Variants in XKR9 observed in about 807,000 individuals in gnomAD.
XKR9 encodes the protein XK related 9.
Under a neutral mutation model 32.0 loss-of-function variants are expected in XKR9, and 32 were observed. The observed-to-expected ratio is 1.00, with a 90% confidence interval of 0.76 to 1.34. The LOEUF is 1.34. Among genes scored for constraint, XKR9 ranks in the 40% most tolerant of loss-of-function variants. The pLI, the probability that XKR9 is intolerant of heterozygous loss-of-function variation, is 0.00. For synonymous variants in XKR9, 168 were observed against 143.4 expected, an observed-to-expected ratio of 1.17 and a Z score of -1.22; for missense variants, 546 against 429.7, an observed-to-expected ratio of 1.27 and a Z score of -2.39.
chr8:70,809,700 G>A, the XKR9 span, among the ~76,000 whole-genome samples: 2 of 152,146 alleles, frequency 1.3e-5, no homozygotes, highest in Non-Finnish European at 2.9e-5. Context: ...ATCAGTGATG[G>A]AAGATCAAAT....
At chr8:70,711,419 A>G (rs1376603691) in intron 4 of XKR9, among the ~76,000 whole-genome samples, 1 of 152,240 alleles carries the variant, frequency 6.6e-6, no homozygotes, top group Non-Finnish European at 1.5e-5. Flanking sequence ...TGTGGTACAT[A>G]TATACCATGG....
At chr8:70,828,174 G>C in the XKR9 span, among the ~76,000 whole-genome samples, 1 of 151,942 alleles carries the variant, frequency 6.6e-6, no homozygotes, top group Non-Finnish European at 1.5e-5. Context: ...GGAAAATTTT[G>C]AAAGCATCAA....
chr8:70,690,063 G>A (rs1402785304), intron 3 of XKR9, among the ~76,000 whole-genome samples: 1 of 152,126 alleles, frequency 6.6e-6, no homozygotes, highest in African/African-American at 2.4e-5. Flanking sequence ...ATGCCAGATA[G>A]ATAAACAAAC....
the XKR9 span, among the ~76,000 whole-genome samples, chr8:70,951,160 C>T: frequency 1.8e-4 from 27 of 152,330 alleles, no homozygotes; most frequent in Non-Finnish European, 3.1e-4. Flanking sequence ...CAACAGACAC[C>T]GGTCACCACT....
At chr8:70,741,316 T>G (rs572794023) in intron 2 of XKR9, among the ~76,000 whole-genome samples, 2 of 152,366 alleles carry the variant, frequency 1.3e-5, no homozygotes, top group South Asian at 4.1e-4. Flanking sequence ...TGTCACTATT[T>G]GATGCCCTCT....
At chr8:70,766,263 T>A (rs1368912973) in intron 2 of XKR9, among the ~76,000 whole-genome samples, 1 of 152,236 alleles carries the variant, frequency 6.6e-6, no homozygotes. Flanking sequence ...CACTTGTTTG[T>A]GTCCTCTCTT....
chr8:71,030,826 C>T, the XKR9 span, among the ~76,000 whole-genome samples: 1 of 152,146 alleles, frequency 6.6e-6, no homozygotes, highest in Non-Finnish European at 1.5e-5. Flanking sequence ...TTGAGGTTCA[C>T]ACTTTAGAAT....
chr8:70,953,252 A>T, the XKR9 span, among the ~76,000 whole-genome samples: 21 of 152,222 alleles, frequency 1.4e-4, no homozygotes, highest in Non-Finnish European at 4.4e-5. Context: ...TGTGCTAAGT[A>T]CTTTATTCAT....
At chr8:70,955,114 C>A in the XKR9 span, among the ~76,000 whole-genome samples, 248 of 152,306 alleles carry the variant, frequency 1.6e-3, 1 homozygote, top group African/African-American at 5.8e-3. Context: ...CAACTTCACC[C>A]GTGACTTCTG....
the XKR9 span, among the ~76,000 whole-genome samples, chr8:70,900,593 A>C: frequency 6.6e-6 from 1 of 151,342 alleles, no homozygotes; most frequent in East Asian, 1.9e-4. Context: ...TGTCTAAAAA[A>C]TTAAATGAAT....
the XKR9 span, among the ~76,000 whole-genome samples, chr8:70,805,184 G>A: frequency 6.6e-6 from 1 of 152,196 alleles, no homozygotes; most frequent in Non-Finnish European, 1.5e-5. Flanking sequence ...CACAGGGCAG[G>A]GGAATCTCCA....
the XKR9 span, among the ~76,000 whole-genome samples, chr8:70,811,104 T>G: frequency 6.6e-6 from 1 of 152,204 alleles, no homozygotes; most frequent in African/African-American, 2.4e-5. Context: ...CAGACCATAG[T>G]GCAATCAAAC....
At chr8:70,886,003 C>T in the XKR9 span, among the ~76,000 whole-genome samples, 48,215 of 151,910 alleles carry the variant, frequency 0.32, 8,971 homozygotes, top group Non-Finnish European at 0.43. Context: ...AACCCATCAC[C>T]GACATTAGGT....
At chr8:70,822,000 T>C in the XKR9 span, among the ~76,000 whole-genome samples, 1 of 152,222 alleles carries the variant, frequency 6.6e-6, no homozygotes, top group Non-Finnish European at 1.5e-5. Context: ...TTCTTTTCTA[T>C]TGCATCTTGA....
chr8:70,837,287 A>T, the XKR9 span, among the ~76,000 whole-genome samples: 2 of 152,110 alleles, frequency 1.3e-5, 1 homozygote, highest in South Asian at 4.1e-4. Flanking sequence ...AGGAGACAGC[A>T]AGTGCTCAAT....
the XKR9 span, among the ~76,000 whole-genome samples, chr8:70,995,665 C>T: frequency 4.6e-5 from 7 of 152,098 alleles, no homozygotes; most frequent in African/African-American, 7.2e-5. Context: ...TTTGAATATG[C>T]CTACTTCTTT....
chr8:70,843,169 G>A, the XKR9 span, among the ~76,000 whole-genome samples: 1 of 152,066 alleles, frequency 6.6e-6, no homozygotes, highest in Non-Finnish European at 1.5e-5. Flanking sequence ...ATAATAAAAT[G>A]ATTGCATGTA....
At chr8:70,766,006 A>G (rs554903940) in intron 2 of XKR9, among the ~76,000 whole-genome samples, 62 of 152,214 alleles carry the variant, frequency 4.1e-4, no homozygotes, top group African/African-American at 1.4e-3. Context: ...TGGTTACTAT[A>G]GCCTTGTAGT....
chr8:70,946,203 C>G, the XKR9 span, among the ~76,000 whole-genome samples: 1 of 152,140 alleles, frequency 6.6e-6, no homozygotes, highest in African/African-American at 2.4e-5. Context: ...AAGAGATCCT[C>G]TAACTCTAAG....
Sources: gnomAD v4.1 joint callset for allele counts (sites outside exome capture counted in the v4.1 genomes callset) on GRCh38, gnomAD v4.1.1 for gene constraint, MANE v1.5 for transcripts, NCBI Gene and HGNC (gene_info 2026-07-23, HGNC 2026-07-21) for gene names.